PSMG3: variants seen among roughly 807,000 people sequenced by gnomAD.
PSMG3 encodes the protein proteasome assembly chaperone 3.
PSMG3 carries 4 observed loss-of-function variants against 7.9 expected under a neutral mutation model. The ratio of observed to expected loss-of-function variants is 0.51; its 90% CI spans 0.25 to 1.16. The LOEUF is 1.16. Among genes scored for constraint, PSMG3 ranks in the 50% most tolerant of loss-of-function variants. The pLI is 0.15. For synonymous variants in PSMG3, 81 were observed against 69.8 expected, an observed-to-expected ratio of 1.16 and a Z score of -0.80; for missense variants, 151 against 157.4, an observed-to-expected ratio of 0.96 and a Z score of 0.22.
chr7:1,569,428 C>CA lies in PSMG3; in HGVS notation c.-90dup. 1 of 1,114,056 alleles carries CA rather than the reference C, an allele frequency of 9.0e-7. No individual in the cohort carries two copies. The highest frequency in any genetic ancestry group is 1.2e-6 in the Non-Finnish European group (1 of 800,076). The allele number at this position is 1,114,056 out of a possible 1,614,324, so 69.0% of individuals were successfully genotyped here. A position where few individuals can be genotyped will look rare whatever the true frequency, so the allele number is the denominator to read the frequency against. On this transcript the variant is annotated 5_prime_UTR_variant, in exon 1 of 2. The change creates a premature stop within an existing upstream ORF in the 5' untranslated region. Coordinates refer to ENST00000288607, the MANE Select transcript of PSMG3 (RefSeq NM_032302.4). ...TCAAACAGTACAGCCTTGGGGCTCC[C>CA]AAAAAAGTAGCACGGGGCATTGAAA...
At position 1,569,129 on chromosome 7, in the gene PSMG3, C is replaced by T; in HGVS notation, c.211G>A (p.Asp71Asn). Reference sequence around the variant, plus strand: ...TCCCGGCCAATCCACTTTACCTCATCCTGCCCCAGAAGGACTTTTGTGGTG... The same window carrying T: ...TCCCGGCCAATCCACTTTACCTCATTCTGCCCCAGAAGGACTTTTGTGGTG... ...VLTTKVLLGQ[D>N]EPLIHVFAKN... The change falls in exon 1 of 2, where the codon GAT (aspartate) becomes AAT (asparagine). Residue 71 changes from aspartate to asparagine, a missense_variant. Asp to Asn is a conservative substitution (Grantham distance 23). Coordinates refer to ENST00000288607, the MANE Select transcript of PSMG3 (RefSeq NM_032302.4). The T allele has an allele frequency of 1.2e-6, 2 of 1,613,262 alleles. No homozygotes were observed. The highest frequency in any genetic ancestry group is 1.7e-6 in the Non-Finnish European group (2 of 1,179,952).
At position 1,569,141 on chromosome 7, in the gene PSMG3, G is replaced by A; in HGVS notation, c.199C>T (p.Leu67Phe). 6.2e-7 allele frequency: 1 copy of A among 1,613,476 alleles called. No homozygotes were observed. Among genetic ancestry groups the A allele is most frequent in the Non-Finnish European group, 8.5e-7 (1 of 1,180,002 alleles). The part of the protein sequence containing the change: ...VSKPVLTTKV[L>F]LGQDEPLIHV... ...CACTTTACCTCATCCTGCCCCAGAA[G>A]GACTTTTGTGGTGAGCACAGGCTTG... Residue 67 changes from leucine (L) to phenylalanine (F), a missense_variant, in exon 1 of 2, where the codon CTT (leucine) becomes TTT (phenylalanine). By Grantham distance (22) the Leu-to-Phe change is conservative. Coordinates refer to ENST00000288607, the MANE Select transcript of PSMG3 (RefSeq NM_032302.4).
rs370742558 is a variant in PSMG3 at position 1,567,860 on chromosome 7, G to A, written c.217-10C>T. ...AGACATGGATGAGAGGCTGGTAAAGGAAGGAGAAGAAACCATTTTAACTGC... is the reference window on the plus strand; with the variant it reads ...AGACATGGATGAGAGGCTGGTAAAGAAAGGAGAAGAAACCATTTTAACTGC... On this transcript the variant is annotated splice_polypyrimidine_tract_variant and intron_variant, in intron 1 of 1. Coordinates refer to ENST00000288607, the MANE Select transcript of PSMG3 (RefSeq NM_032302.4). The A allele has an allele frequency of 4.3e-6, 7 of 1,611,452 alleles. No homozygotes were observed. In the African/African-American group the frequency reaches 9.4e-5, roughly 22 times the overall value.
chr7:1,567,950 C>T (rs1778805891), intron 1 of PSMG3, 100 bp from the exon 2 acceptor site: 2 of 1,148,190 alleles, frequency 1.7e-6, no homozygotes, highest in Non-Finnish European at 2.5e-6. Flanking sequence ...GCAGGCTTCC[C>T]ACACCACCAT....
chr7:1,567,636 CCT>C lies in PSMG3; in HGVS notation c.*60_*61del, dbSNP rs1778798761. The stretch of plus-strand genomic sequence containing the variant: ...CGGGGAGGGAGGTGAGACTTGAGTC[CCT>C]GAGTGGGTGTCTGGGTGTTCACGTG... On this transcript the variant is annotated 3_prime_UTR_variant, in exon 2 of 2. Coordinates refer to ENST00000288607, the MANE Select transcript of PSMG3 (RefSeq NM_032302.4). 7.9e-6 allele frequency: 12 copies of C among 1,517,198 alleles called. No individual in the cohort carries two copies. Among genetic ancestry groups the C allele is most frequent in the South Asian group, 3.8e-5 (3 of 78,150 alleles). The allele number at this position is 1,517,198 out of a possible 1,614,324, so 94.0% of individuals were successfully genotyped here.
At position 1,567,689 on chromosome 7, in the gene PSMG3, G is replaced by A. The variant is rs756611169; in HGVS notation, c.*9C>T. On this transcript the variant is annotated 3_prime_UTR_variant, in exon 2 of 2. Transcript: ENST00000288607. ...TCCTGCTGAGCAGCGCGGGGCGGCT[G>A]CCTCCAGGTCACCACACCTGGCACA... is the stretch of plus-strand genomic sequence containing the variant. 1.2e-6 allele frequency: 2 copies of A among 1,612,800 alleles called. No individual in the cohort carries two copies. Among genetic ancestry groups the A allele is most frequent in the East Asian group, 2.2e-5 (1 of 44,860 alleles).
In PSMG3 at chr7:1,569,505, T is replaced by A. The variant is rs987627523; in HGVS notation, c.-166A>T. 1 of 593,094 alleles carries A rather than the reference T, an allele frequency of 1.7e-6. No homozygotes were observed. The highest frequency in any genetic ancestry group is 3.3e-5 in the Admixed American group (1 of 30,724). 36.7% of individuals were successfully genotyped at this position (593,094 alleles called of 1,614,324 possible). A position where few individuals can be genotyped will look rare whatever the true frequency, so the allele number is the denominator to read the frequency against. Reference sequence around the variant, plus strand: ...AGAAGGGGCCAGGCGCGGTGGCTCATGCCTGTCATCCCGGCACTTTGGGAG... The same window carrying A: ...AGAAGGGGCCAGGCGCGGTGGCTCAAGCCTGTCATCCCGGCACTTTGGGAG... On this transcript the variant is annotated 5_prime_UTR_variant, in exon 1 of 2. The change abolishes an upstream ATG in the 5' untranslated region. Transcript: ENST00000288607.
In PSMG3 at chr7:1,567,412, CG is replaced by C. The variant is rs1348050290; in HGVS notation, c.*285del. The C allele has an allele frequency of 5.9e-6, 2 of 336,602 alleles. No homozygotes were observed. Among genetic ancestry groups the C allele is most frequent in the Admixed American group, 9.6e-5 (2 of 20,766 alleles). The allele number at this position is 336,602 out of a possible 1,614,324, so 20.9% of individuals were successfully genotyped here. A position where few individuals can be genotyped will look rare whatever the true frequency, so the allele number is the denominator to read the frequency against. On this transcript the variant is annotated 3_prime_UTR_variant, in exon 2 of 2. Transcript: ENST00000288607. ...CTGCACACGGGGGGGCCATGAGCCA[CG>C]CCTGCTGACTCATTCCTCCAATTCT...
Sources: gnomAD v4.1 joint callset for allele counts on GRCh38, gnomAD v4.1.1 for gene constraint, MANE v1.5 for transcripts, NCBI Gene and HGNC (gene_info 2026-07-23, HGNC 2026-07-21) for gene names.